The following SLC12A8 variants were observed in gnomAD, a reference collection of about 807,000 sequenced individuals.
The protein encoded by SLC12A8 is solute carrier family 12 member 8.
In SLC12A8, 69 loss-of-function variants were observed where a neutral mutation model predicts 75.6. That is an observed-to-expected ratio of 0.91 (90% confidence interval 0.75 to 1.11). The LOEUF is 1.11. Ranked by LOEUF, SLC12A8 falls within the 50% of genes most tolerant of loss-of-function variation. SLC12A8 has a pLI of 0.00. For missense variants in SLC12A8, 877 were observed against 896.7 expected, an observed-to-expected ratio of 0.98 and a Z score of 0.28; for synonymous variants, 365 against 372.8, an observed-to-expected ratio of 0.98 and a Z score of 0.24.
chr3:125,196,746 T>C (rs1349726539), intron 2 of SLC12A8, among the ~76,000 whole-genome samples: 1 of 152,084 alleles, frequency 6.6e-6, no homozygotes, highest in African/African-American at 2.4e-5. Flanking sequence ...CTGAGCAACA[T>C]AATGAGACCA....
chr3:125,165,464 C>G (rs1349184753), intron 5 of SLC12A8, among the ~76,000 whole-genome samples: 2 of 152,188 alleles, frequency 1.3e-5, no homozygotes, highest in Admixed American at 6.5e-5. Flanking sequence ...TGCCCTTCCA[C>G]CACATGGCGA....
chr3:125,163,425 G>A (rs28687114), intron 5 of SLC12A8, among the ~76,000 whole-genome samples: 10,738 of 150,964 alleles, frequency 0.071, 420 homozygotes, highest in African/African-American at 0.1. Context: ...GACTAACACG[G>A]TGAAACCCCG....
chr3:125,098,384 G>A (rs1938769837), intron 10 of SLC12A8, among the ~76,000 whole-genome samples: 1 of 152,108 alleles, frequency 6.6e-6, no homozygotes, highest in Non-Finnish European at 1.5e-5. Context: ...TTGCTGTTTG[G>A]CTGATTTGGG....
At chr3:125,151,585 G>C (rs1330136350) in intron 5 of SLC12A8, 1 of 149,980 alleles carries the variant, frequency 6.7e-6, no homozygotes, top group East Asian at 2.2e-4. Flanking sequence ...CAAGAGAAAT[G>C]CTGAAGGGGC....
chr3:125,133,992 A>T (rs897064754), intron 6 of SLC12A8, among the ~76,000 whole-genome samples: 1 of 152,214 alleles, frequency 6.6e-6, no homozygotes, highest in Non-Finnish European at 1.5e-5. Context: ...CTAGAACTGC[A>T]TATAAATGGA....
chr3:125,112,283 CTCT>C (rs201956659), intron 8 of SLC12A8, among the ~76,000 whole-genome samples: 2,817 of 152,300 alleles, frequency 0.018, 33 homozygotes, highest in Non-Finnish European at 0.029. Flanking sequence ...TCTCACCTGT[CTCT>C]TTTTTCAATA....
intron 6 of SLC12A8, chr3:125,125,746 G>A (rs1451622645): frequency 1.2e-5 from 2 of 170,374 alleles, no homozygotes; most frequent in Non-Finnish European, 2.4e-5. Context: ...TAACCCTCAA[G>A]TTTCCTGATT....
intron 6 of SLC12A8, 46 bp from the exon 7 acceptor site, chr3:125,120,732 G>C: frequency 6.9e-7 from 1 of 1,440,544 alleles, no homozygotes; most frequent in South Asian, 1.2e-5. Flanking sequence ...CCTCCTCCAC[G>C]CATCGCCTTC....
chr3:125,108,557 C>T (rs2948803), intron 9 of SLC12A8, among the ~76,000 whole-genome samples: 13,122 of 152,028 alleles, frequency 0.086, 682 homozygotes, highest in Admixed American at 0.12. Flanking sequence ...CTTGTAGAGA[C>T]GTGGTTTTGC....
rs143806322 is a variant in SLC12A8, at chr3:125,206,156, T to C, written c.51+5143A>G. ...TGCTAAAACAGCCCTGAAAAATGCATAGTAAAAATAAAAGTCAGTTCTTAA... is the reference window on the plus strand; with the variant it reads ...TGCTAAAACAGCCCTGAAAAATGCACAGTAAAAATAAAAGTCAGTTCTTAA... On this transcript the variant is annotated intron_variant, in intron 2 of 13. Transcript: ENST00000469902. 3.3e-3 allele frequency among the ~76,000 whole-genome samples: 506 copies of C among 152,264 alleles called. 6 individuals carry two copies. Among genetic ancestry groups the C allele is most frequent in the African/African-American group, 0.012 (482 of 41,552 alleles).
intron 5 of SLC12A8, among the ~76,000 whole-genome samples, chr3:125,148,693 T>G (rs1933846610): frequency 6.6e-6 from 1 of 152,184 alleles, no homozygotes; most frequent in South Asian, 2.1e-4. Context: ...ACTCTCTGCA[T>G]GCCCACTGTC....
At chr3:125,141,151 C>G (rs746765097) in intron 5 of SLC12A8, among the ~76,000 whole-genome samples, 1 of 130,576 alleles carries the variant, frequency 7.7e-6, no homozygotes, top group African/African-American at 3.1e-5. Flanking sequence ...TTAGGAAGAA[C>G]AAAAACAAAA....
At chr3:125,118,905 AG>A in intron 7 of SLC12A8, 49 bp from the exon 8 acceptor site, 4 of 1,265,722 alleles carry the variant, frequency 3.2e-6, no homozygotes, top group Non-Finnish European at 4.6e-6. Flanking sequence ...CACCTCACCC[AG>A]CCCCATCCAA....
At chr3:125,126,918 C>T (rs1704363221) in intron 6 of SLC12A8, among the ~76,000 whole-genome samples, 1 of 151,772 alleles carries the variant, frequency 6.6e-6, no homozygotes, top group African/African-American at 2.4e-5. Context: ...AAAAAGGGAT[C>T]TATTACTGTT....
intron 10 of SLC12A8, among the ~76,000 whole-genome samples, chr3:125,097,838 A>G (rs1317888397): frequency 6.6e-6 from 1 of 152,182 alleles, no homozygotes; most frequent in Non-Finnish European, 1.5e-5. Context: ...TCAGAGGGGC[A>G]GGGGACAGCT....
At position 125,202,924 on chromosome 3, in the gene SLC12A8, C is replaced by T. The variant is rs185624162; in HGVS notation, c.51+8375G>A. Reference sequence around the variant, plus strand: ...CCAACATGGTGAAACCCCGTCTCTACTAAAAACACAAAAATTAGCCAAGCG... The same window carrying T: ...CCAACATGGTGAAACCCCGTCTCTATTAAAAACACAAAAATTAGCCAAGCG... On this transcript the variant is annotated intron_variant, in intron 2 of 13. Coordinates refer to ENST00000469902, the MANE Select transcript of SLC12A8 (RefSeq NM_024628.6). Among the ~76,000 whole-genome samples the T allele has an allele frequency of 1.8e-3, 270 of 151,870 alleles. 1 individual carries two copies. The highest frequency in any genetic ancestry group is 6.4e-3 in the African/African-American group (265 of 41,424).
chr3:125,171,134 CTG>C, intron 5 of SLC12A8, among the ~76,000 whole-genome samples: 1 of 152,304 alleles, frequency 6.6e-6, no homozygotes, highest in South Asian at 2.1e-4. Context: ...GTATTTATAA[CTG>C]TTTTCTGATT....
chr3:125,187,547 G>C, intron 3 of SLC12A8, 119 bp from the exon 4 acceptor site: 1 of 871,236 alleles, frequency 1.1e-6, no homozygotes, highest in Non-Finnish European at 1.8e-6. Context: ...CCAGGGGTGG[G>C]GGCACAGAGT....
chr3:125,154,748 C>T (rs1934008519), intron 5 of SLC12A8: 1 of 152,154 alleles, frequency 6.6e-6, no homozygotes, highest in South Asian at 2.1e-4. Flanking sequence ...TAAAATAGAA[C>T]AACTCTAACA....
Sources: allele counts gnomAD v4.1 joint callset (sites outside exome capture counted in the v4.1 genomes callset), GRCh38; gene constraint gnomAD v4.1.1; transcripts MANE v1.5; gene names NCBI Gene and HGNC (gene_info 2026-07-23, HGNC 2026-07-21).